CD101: variants seen among roughly 807,000 people sequenced by gnomAD.
The protein encoded by CD101 is immunoglobulin superfamily member 2.
A neutral mutation model predicts 98.2 loss-of-function variants in CD101; 76 were observed. That is an observed-to-expected ratio of 0.77 (90% CI 0.64 to 0.94). The LOEUF (loss-of-function observed/expected upper bound fraction) is 0.94. Ranked by LOEUF, CD101 falls within the 40% of genes least tolerant of loss-of-function variation. CD101 has a pLI of 0.00. For synonymous variants in CD101, 471 were observed against 472.7 expected (o/e 1.00, Z 0.05); for missense variants, 1,145 against 1,218.8 (o/e 0.94, Z 0.90).
intron 8 of CD101, 100 bp downstream of exon 8, chr1:117,026,004 A>G (rs1653900249): frequency 8.5e-6 from 11 of 1,301,196 alleles, no homozygotes; most frequent in Non-Finnish European, 1.0e-5. Context: ...TTCTGAAGAC[A>G]ATTTTCAGAC....
rs1653032203 is a variant in CD101 at position 117,013,716 on chromosome 1, A to G, written c.1152A>G (p.Lys384=). ...GATGTGTGGTAGCAGAGGTCATGAA[A>G]ACACGCACAGGTTCCTGGCAGGTGC... is the stretch of plus-strand genomic sequence containing the variant. ...AYRCVVAEVM[K]TRTGSWQVLQ... is the part of the protein sequence containing the mutation. The change falls in exon 4 of 10, where the codon AAA becomes AAG. Residue 384 remains lysine (K), a synonymous_variant. Transcript: ENST00000682167. The G allele has an allele frequency of 6.2e-7, 1 of 1,614,048 alleles. No individual in the cohort carries two copies. The highest frequency in any genetic ancestry group is 8.5e-7 in the Non-Finnish European group (1 of 1,180,012).
intron 7 of CD101, among the ~76,000 whole-genome samples, chr1:117,025,226 G>A (rs1653830002): frequency 6.6e-6 from 1 of 152,168 alleles, no homozygotes; most frequent in Non-Finnish European, 1.5e-5. Context: ...AGCTGGGCAT[G>A]GTGGCACACG....
Position 117,018,179 on chromosome 1 carries a change from A to G in CD101, c.1636A>G (p.Met546Val), listed in dbSNP as rs980867589. Residue 546 changes from methionine (M) to valine (V), a missense_variant, in exon 6 of 10, where the codon ATG (methionine) becomes GTG (valine). Transcript: ENST00000682167. This position sits in a 1 kb window ranked among gnomAD's most constrained non-coding sequence, Gnocchi z 4.3. ...SLESSLQVSL[M>V]SRQPQVMLTN... The stretch of plus-strand genomic sequence containing the variant: ...AGAGTCAAGTTTACAAGTTAGTCTG[A>G]TGAGCCGTCAGCCGCAAGTGATGTT... 1 of 1,602,408 alleles carries G rather than the reference A, an allele frequency of 6.2e-7. No homozygotes were observed. Among genetic ancestry groups the G allele is most frequent in the Non-Finnish European group, 8.5e-7 (1 of 1,172,584 alleles).
At chr1:117,026,661 A>T (rs971582237) in intron 8 of CD101, 5 of 152,248 alleles carry the variant, frequency 3.3e-5, no homozygotes, top group African/African-American at 4.8e-5. Flanking sequence ...TAAGAACTGT[A>T]AAAAGTATAC....
chr1:117,021,891 C>T lies in CD101; in HGVS notation c.2336C>T (p.Ala779Val). 2.5e-6 allele frequency: 4 copies of T among 1,614,176 alleles called. No individual in the cohort carries two copies. Among genetic ancestry groups the T allele is most frequent in the Non-Finnish European group, 3.4e-6 (4 of 1,180,016 alleles). Residue 779 changes from alanine (A) to valine (V), a missense_variant, in exon 7 of 10, where the codon GCT becomes GTT. By Grantham distance (64) the Ala-to-Val change is moderately conservative. Transcript: ENST00000682167. The surrounding 1 kb of genome is among the most constrained non-coding windows in gnomAD (Gnocchi z 4.7). The part of the protein sequence containing the change: ...EDSDRGKYHC[A>V]VEEWLLSTNG... ...AGCGATCGGGGCAAATATCACTGTG[C>T]TGTGGAGGAATGGCTCCTGTCTACA...
At chr1:117,026,068 A>G in intron 8 of CD101, 164 bp downstream of exon 8, 1 of 685,294 alleles carries the variant, frequency 1.5e-6, no homozygotes, top group Non-Finnish European at 2.4e-6. Flanking sequence ...CTCTCTCAAT[A>G]GTAACTCATT....
chr1:117,001,812 G>T lies in CD101; in HGVS notation c.-6G>T, dbSNP rs1557761179. 1 of 1,613,898 alleles carries T rather than the reference G, an allele frequency of 6.2e-7. No homozygotes were observed. The highest frequency in any genetic ancestry group is 1.3e-5 in the African/African-American group (1 of 75,002). On this transcript the variant is annotated 5_prime_UTR_variant, in exon 1 of 10. Transcript: ENST00000682167. ...ATTGGGACGAAAAAGGACTGTGCTG[G>T]CCCAAATGGCAGGCATCTCATATGT...
At chr1:117,032,409 C>G (rs1316602367) in intron 8 of CD101, 1 of 152,168 alleles carries the variant, frequency 6.6e-6, no homozygotes, top group Non-Finnish European at 1.5e-5. Flanking sequence ...GCTCACAGTG[C>G]AGGAGGTGAG....
At chr1:117,029,194 A>AGAAGGAAAGAAG (rs199604360) in intron 8 of CD101, among the ~76,000 whole-genome samples, 2 of 43,450 alleles carry the variant, frequency 4.6e-5, no homozygotes, top group East Asian at 5.7e-4. Context: ...AAAGAAAGAA[A>AGAAGGAAAGAAG]GAAAGAAAGA....
intron 5 of CD101, 115 bp downstream of exon 5, chr1:117,017,588 C>A: frequency 9.7e-7 from 1 of 1,026,942 alleles, no homozygotes; most frequent in East Asian, 2.4e-5. Flanking sequence ...TACCCTAGGA[C>A]ACAGAGCTAG....
rs2806871 is a variant in CD101, at chr1:117,005,347, G to A, written c.43+3487G>A. ...TTCTCCATGAAACTCCTGGAAGTAG[G>A]TTCCACTTCCTGCAGTCACTTCTTA... On this transcript the variant is annotated intron_variant, in intron 1 of 9. Transcript: ENST00000682167. The surrounding 1 kb of genome is among the most constrained non-coding windows in gnomAD (Gnocchi z 4.4). Among the ~76,000 whole-genome samples the A allele has an allele frequency of 0.15, 22,632 of 151,984 alleles. 1,790 individuals carry two copies. Among genetic ancestry groups the A allele is most frequent in the Middle Eastern group, 0.23 (69 of 294 alleles).
intron 1 of CD101, among the ~76,000 whole-genome samples, chr1:117,003,969 A>G (rs1652388968): frequency 6.6e-6 from 1 of 152,246 alleles, no homozygotes; most frequent in South Asian, 2.1e-4. Flanking sequence ...GCAAATTTAC[A>G]CTTTGTCCCA....
In CD101 at chr1:117,010,231, G is replaced by A. The variant is rs138202568; in HGVS notation, c.424+1G>A. 6.2e-7 allele frequency: 1 copy of A among 1,602,536 alleles called. No homozygotes were observed. Among genetic ancestry groups the A allele is most frequent in the African/African-American group, 1.3e-5 (1 of 74,734 alleles). On this transcript the variant is annotated splice_donor_variant, in intron 2 of 9. Coordinates refer to ENST00000682167, the MANE Select transcript of CD101 (RefSeq NM_001256106.3). LOFTEE classifies it high-confidence loss of function. The surrounding 1 kb of genome is among the most constrained non-coding windows in gnomAD (Gnocchi z 5.2). The stretch of plus-strand genomic sequence containing the variant: ...TACAGTGCAAAGACTAATCTAATTG[G>A]TAAGTTGCTTGTCCACTTCTGCTAG...
intron 8 of CD101, among the ~76,000 whole-genome samples, chr1:117,029,720 T>G (rs1244528701): frequency 6.6e-6 from 1 of 152,248 alleles, no homozygotes; most frequent in Non-Finnish European, 1.5e-5. Context: ...AAATATAATA[T>G]GCTACCTATG....
chr1:117,018,347 G>A lies in CD101; in HGVS notation c.1804G>A (p.Glu602Lys). The change falls in exon 6 of 10, where the codon GAA becomes AAA. Residue 602 changes from glutamate to lysine, a missense_variant. Coordinates refer to ENST00000682167, the MANE Select transcript of CD101 (RefSeq NM_001256106.3). This position sits in a 1 kb window ranked among gnomAD's most constrained non-coding sequence, Gnocchi z 4.3. Reference sequence around the variant, plus strand: ...TCGAATCACCCACAATGGCACTATTGAATGGGGGAATTTCCTATCCCGGTT... The same window carrying A: ...TCGAATCACCCACAATGGCACTATTAAATGGGGGAATTTCCTATCCCGGTT... ...LIRITHNGTI[E>K]WGNFLSRFQK... 2 of 1,614,142 alleles carry A rather than the reference G, an allele frequency of 1.2e-6. No individual in the cohort carries two copies. Among genetic ancestry groups the A allele is most frequent in the African/African-American group, 2.7e-5 (2 of 75,020 alleles).
In CD101 at chr1:117,010,331, T is replaced by C. The variant is rs1025753622; in HGVS notation, c.424+101T>C. 3 of 1,360,686 alleles carry C rather than the reference T, an allele frequency of 2.2e-6. No individual in the cohort carries two copies. Among genetic ancestry groups the C allele is most frequent in the Non-Finnish European group, 3.0e-6 (3 of 1,003,460 alleles). The allele number at this position is 1,360,686 out of a possible 1,614,324, so 84.3% of individuals were successfully genotyped here. A position where few individuals can be genotyped will look rare whatever the true frequency, so the allele number is the denominator to read the frequency against. On this transcript the variant is annotated intron_variant, in intron 2 of 9. Transcript: ENST00000682167. The surrounding 1 kb of genome is among the most constrained non-coding windows in gnomAD (Gnocchi z 5.2). ...GACATGGCTTTATATTGTTCCATTT[T>C]CTTTGGGAAAAGAGCCCATGTACCC...
rs1358239492 is a variant in CD101, at chr1:117,004,992, G to C, written c.43+3132G>C. Among the ~76,000 whole-genome samples, 1 of 152,046 alleles carries C rather than the reference G, an allele frequency of 6.6e-6. No individual in the cohort carries two copies. The highest frequency in any genetic ancestry group is 1.5e-5 in the Non-Finnish European group (1 of 67,992). On this transcript the variant is annotated intron_variant, in intron 1 of 9. Transcript: ENST00000682167. The surrounding 1 kb of genome is among the most constrained non-coding windows in gnomAD (Gnocchi z 4.1). The stretch of plus-strand genomic sequence containing the variant: ...GTTCCTCATAGCACCTTCTAACTGT[G>C]TCCTCACGTGGCAGAAGGGGCTAGC...
rs1039248966 is a variant in CD101 at position 117,012,076 on chromosome 1, T to G, written c.841+110T>G. The G allele has an allele frequency of 1.9e-6, 2 of 1,039,298 alleles. No homozygotes were observed. The highest frequency in any genetic ancestry group is 2.8e-6 in the Non-Finnish European group (2 of 721,776). 64.4% of individuals were successfully genotyped at this position (1,039,298 alleles called of 1,614,324 possible). On this transcript the variant is annotated intron_variant, in intron 3 of 9. Coordinates refer to ENST00000682167, the MANE Select transcript of CD101 (RefSeq NM_001256106.3). This position sits in a 1 kb window ranked among gnomAD's most constrained non-coding sequence, Gnocchi z 4.0. ...CTTTTGTTGGCTCTAAAAAATTGGC[T>G]AGAAAGTTTGATTTAATTTTGTATT...
chr1:117,011,793 A>G lies in CD101; in HGVS notation c.668A>G (p.Gln223Arg). Residue 223 changes from glutamine (Q) to arginine (R), a missense_variant, in exon 3 of 10, where the codon CAG becomes CGG. By Grantham distance (43) the Gln-to-Arg change is conservative. Transcript: ENST00000682167. ...GAGCGGTTTGCAGCCAGTGACGTAC[A>G]GCTCAACAAACTGGGACCCACTACA... ...YTERFAASDV[Q>R]LNKLGPTTFR... 1 of 1,614,158 alleles carries G rather than the reference A, an allele frequency of 6.2e-7. No individual in the cohort carries two copies. Among genetic ancestry groups the G allele is most frequent in the Non-Finnish European group, 8.5e-7 (1 of 1,180,020 alleles).
Sources: allele counts gnomAD v4.1 joint callset (sites outside exome capture counted in the v4.1 genomes callset), GRCh38; gene constraint gnomAD v4.1.1; non-coding constraint Gnocchi (gnomAD v3.1); transcripts MANE v1.5; gene names NCBI Gene and HGNC (gene_info 2026-07-23, HGNC 2026-07-21).